Variants in NF1 observed in about 807,000 individuals in gnomAD.
NF1 encodes the protein neurofibromin.
In NF1, 122 loss-of-function variants were observed where a neutral mutation model predicts 325.7. The ratio of observed to expected loss-of-function variants is 0.37; its 90% CI spans 0.32 to 0.44. NF1 has a LOEUF of 0.44. Ranked by LOEUF, NF1 falls within the 20% of genes least tolerant of loss-of-function variation. The probability of loss-of-function intolerance (pLI) is 1.00; values close to 1 mark genes in which losing one functional copy is unlikely to be tolerated. For missense variants in NF1, 2,140 were observed against 3,415.4 expected (o/e 0.63, Z 9.31); for synonymous variants, 1,091 against 1,186.0 (o/e 0.92, Z 1.65).
chr17:31,170,569 GGGATATTATAA>G (rs1567821116), intron 5 of NF1, among the ~76,000 whole-genome samples: 1 of 152,138 alleles, frequency 6.6e-6, no homozygotes, highest in Non-Finnish European at 1.5e-5. Context: ...GTTCCACATG[GGGATATTATAA>G]CACCTAATAT....
Position 31,323,728 on chromosome 17 carries a change from C to T in NF1, c.4836-2092C>T, listed in dbSNP as rs1233267711. On this transcript the variant is annotated intron_variant, in intron 36 of 57. Transcript: ENST00000358273. ...TGTTTCTTTTCCTTTTTGCCTTTCT[C>T]CATAAGGCCTGCCCAGTCCTCTTGC... Among the ~76,000 whole-genome samples, 8 of 152,150 alleles carry T rather than the reference C, an allele frequency of 5.3e-5. No individual in the cohort carries two copies. The East Asian group carries it at 1.2e-3, about 22-fold the overall frequency.
At chr17:31,139,679 T>C (rs1299623553) in intron 1 of NF1, among the ~76,000 whole-genome samples, 1 of 152,176 alleles carries the variant, frequency 6.6e-6, no homozygotes, top group Non-Finnish European at 1.5e-5. Flanking sequence ...CAGAAAATAT[T>C]GCGTGGTTGG....
At chr17:31,318,347 C>G (rs778733637) in intron 36 of NF1, 1 of 1,610,914 alleles carries the variant, frequency 6.2e-7, no homozygotes, top group East Asian at 2.2e-5. Context: ...CCTTCTTCAT[C>G]TTTTCTTTCC....
At chr17:31,224,665 T>C (rs2066982203) in intron 16 of NF1, among the ~76,000 whole-genome samples, 1 of 152,142 alleles carries the variant, frequency 6.6e-6, no homozygotes. Context: ...ACTTGGTGTA[T>C]ATACATACCA....
At chr17:31,113,988 A>T (rs139579269) in intron 1 of NF1, among the ~76,000 whole-genome samples, 4 of 152,300 alleles carry the variant, frequency 2.6e-5, no homozygotes, top group African/African-American at 9.6e-5. Context: ...TGTGTTAATT[A>T]TGCCTCAAAT....
chr17:31,181,810 T>C, intron 7 of NF1, 25 bp downstream of exon 7: 1 of 1,545,914 alleles, frequency 6.5e-7, no homozygotes, highest in Non-Finnish European at 8.9e-7. Flanking sequence ...GATTTTTTTT[T>C]TTTTTTTGTC....
At chr17:31,321,394 T>C (rs1173558091) in intron 36 of NF1, 1 of 152,180 alleles carries the variant, frequency 6.6e-6, no homozygotes, top group African/African-American at 2.4e-5. Flanking sequence ...TCTAGTTTGT[T>C]AGTGAGATTC....
At chr17:31,256,150 ATTTATTTATTTT>A (rs2067578906) in intron 31 of NF1, among the ~76,000 whole-genome samples, 1 of 151,874 alleles carries the variant, frequency 6.6e-6, no homozygotes, top group South Asian at 2.1e-4. Flanking sequence ...TTATTTATTT[ATTTATTTATTTT>A]GAGACAGTCT....
chr17:31,222,020 G>A (rs1347622944), intron 15 of NF1, 91 bp downstream of exon 15: 1 of 1,332,838 alleles, frequency 7.5e-7, no homozygotes. Flanking sequence ...TTAGTACATT[G>A]TAAAACTTAC....
intron 5 of NF1, among the ~76,000 whole-genome samples, chr17:31,170,709 T>C (rs2065915791): frequency 6.6e-6 from 1 of 152,196 alleles, no homozygotes; most frequent in Non-Finnish European, 1.5e-5. Flanking sequence ...CAGATACCAA[T>C]GAGTATTCAT....
At chr17:31,253,263 T>G in intron 31 of NF1, 1 of 381,556 alleles carries the variant, frequency 2.6e-6, no homozygotes, top group Non-Finnish European at 4.9e-6. Context: ...CTAATTTTAT[T>G]ATTGTTACTT....
chr17:31,187,015 C>T (rs769589343), intron 8 of NF1, among the ~76,000 whole-genome samples: 2 of 152,194 alleles, frequency 1.3e-5, no homozygotes, highest in African/African-American at 2.4e-5. Flanking sequence ...CTGGAATAGA[C>T]ACTTACTCCT....
intron 36 of NF1, among the ~76,000 whole-genome samples, chr17:31,293,780 T>TCAG (rs1242472439): frequency 6.6e-6 from 1 of 152,242 alleles, no homozygotes; most frequent in African/African-American, 2.4e-5. Flanking sequence ...CTCACCCATC[T>TCAG]CAGTTATGCT....
chr17:31,099,574 T>G (rs77161875), intron 1 of NF1, among the ~76,000 whole-genome samples: 5 of 151,558 alleles, frequency 3.3e-5, no homozygotes, highest in African/African-American at 1.2e-4. Flanking sequence ...TTTTTTTTTT[T>G]TTGAGACAGA....
chr17:31,318,673 C>A (rs776805050), intron 36 of NF1: 1 of 1,614,038 alleles, frequency 6.2e-7, no homozygotes, highest in South Asian at 1.1e-5. Context: ...ATGACTTTTG[C>A]TTGTGTTTTC....
Position 31,160,226 on chromosome 17 carries a change from C to T in NF1, c.288+1133C>T, listed in dbSNP as rs17882666. On this transcript the variant is annotated intron_variant, in intron 3 of 57. Transcript: ENST00000358273. ...TCAGCCTCCCAAGTAGCTGGGATTACAGGCATGTACCACCATGCTCAGCTA... is the reference window on the plus strand; with the variant it reads ...TCAGCCTCCCAAGTAGCTGGGATTATAGGCATGTACCACCATGCTCAGCTA... 7.8e-3 allele frequency among the ~76,000 whole-genome samples: 1,193 copies of T among 152,258 alleles called. 22 individuals carry two copies. The highest frequency in any genetic ancestry group is 0.028 in the African/African-American group (1,144 of 41,544).
intron 50 of NF1, among the ~76,000 whole-genome samples, chr17:31,351,131 A>C (rs1338302214): frequency 2.6e-5 from 4 of 152,166 alleles, no homozygotes; most frequent in Non-Finnish European, 5.9e-5. Flanking sequence ...AGGGTAAAAT[A>C]GTTTGCCTGT....
intron 5 of NF1, among the ~76,000 whole-genome samples, chr17:31,178,521 T>G (rs1051413494): frequency 1.9e-4 from 29 of 152,182 alleles, no homozygotes; most frequent in African/African-American, 6.5e-4. Flanking sequence ...ACTATTAACC[T>G]TAAATGTAAA....
chr17:31,258,501 A>T lies in NF1; in HGVS notation c.4331A>T (p.Lys1444Met), dbSNP rs199474781. The part of the protein sequence containing the change: ...RIERGLKLMS[K>M]ILQSIANHVL... Reference sequence around the variant, plus strand: ...GAAAGGGGCTTGAAGTTAATGTCAAAGGTGAATTATTTTGATAATCTAGCT... The same window carrying T: ...GAAAGGGGCTTGAAGTTAATGTCAATGGTGAATTATTTTGATAATCTAGCT... Residue 1444 changes from lysine (K) to methionine (M), a missense_variant and splice_region_variant, in exon 32 of 58, where the codon AAG (lysine) becomes ATG (methionine). Around this residue, in one of 10 missense-constraint regions of NF1, gnomAD observed 336 missense variants for 399.0 expected, o/e 0.84. Coordinates refer to ENST00000358273, the MANE Select transcript of NF1 (RefSeq NM_001042492.3). 6.2e-7 allele frequency: 1 copy of T among 1,613,696 alleles called. No homozygotes were observed. Among genetic ancestry groups the T allele is most frequent in the Non-Finnish European group, 8.5e-7 (1 of 1,179,840 alleles).
Sources: gnomAD v4.1 joint callset for allele counts (sites outside exome capture counted in the v4.1 genomes callset) on GRCh38, gnomAD v4.1.1 for gene constraint, gnomAD v4.1.1 regional missense constraint, MANE v1.5 for transcripts, NCBI Gene and HGNC (gene_info 2026-07-23, HGNC 2026-07-21) for gene names.